Variants in IRAG1 observed in about 807,000 individuals in gnomAD.
IRAG1 encodes IP3R-associated cGMP kinase substrate.
IRAG1 carries 62 observed loss-of-function variants against 106.2 expected under a neutral mutation model. The observed-to-expected ratio is 0.58, with a 90% CI of 0.48 to 0.72. IRAG1 has a LOEUF of 0.72. IRAG1 is among the 30% of genes least tolerant of loss of function. The pLI, the probability that IRAG1 is intolerant of heterozygous loss-of-function variation, is 0.00. For missense variants in IRAG1, 1,064 were observed against 1,140.7 expected (o/e 0.93, Z 0.97); for synonymous variants, 462 against 443.9 (o/e 1.04, Z -0.51).
chr11:10,629,893 C>A (rs1378143061), intron 4 of IRAG1, 182 bp from the exon 5 acceptor site: 3 of 613,908 alleles, frequency 4.9e-6, no homozygotes, highest in Non-Finnish European at 8.4e-6. Flanking sequence ...GCAGGCCTGG[C>A]CCCTATGGCT....
Position 10,647,640 on chromosome 11 carries a change from C to A in IRAG1, c.225+4385G>T, listed in dbSNP as rs965334115. ...TACAGCTAACATGAGCCTCTTTGTA[C>A]CCTCAGGTTTACAAGGCACTTCAGA... On this transcript the variant is annotated intron_variant, in intron 2 of 20. Coordinates refer to ENST00000423302, the MANE Select transcript of IRAG1 (RefSeq NM_130385.4). This position sits in a 1 kb window ranked among gnomAD's most constrained non-coding sequence, Gnocchi z 4.3. 2.0e-5 allele frequency among the ~76,000 whole-genome samples: 3 copies of A among 152,118 alleles called. No homozygotes were observed. Among genetic ancestry groups the A allele is most frequent in the Non-Finnish European group, 4.4e-5 (3 of 68,008 alleles).
At chr11:10,658,755 G>C (rs1859147925) in intron 1 of IRAG1, among the ~76,000 whole-genome samples, 3 of 145,204 alleles carry the variant, frequency 2.1e-5, no homozygotes, top group South Asian at 2.2e-4. Flanking sequence ...CCGTGCTGTG[G>C]TCAGTCCCAG....
chr11:10,691,938 C>G (rs922754700), intron 1 of IRAG1, among the ~76,000 whole-genome samples: 3 of 152,154 alleles, frequency 2.0e-5, no homozygotes, highest in Non-Finnish European at 4.4e-5. Flanking sequence ...AAGAATGACC[C>G]CTGCTTTGTA....
chr11:10,615,312 G>A (rs1323922745), intron 10 of IRAG1, among the ~76,000 whole-genome samples: 1 of 152,190 alleles, frequency 6.6e-6, no homozygotes, highest in East Asian at 1.9e-4. Flanking sequence ...GGAGAAATAG[G>A]AACACTTTTA....
rs1850727378 is a variant in IRAG1 at position 10,574,571 on chromosome 11, G to A, written c.*1761C>T. 6.6e-6 allele frequency: 1 copy of A among 152,218 alleles called. No individual in the cohort carries two copies. The allele number at this position is 152,218 out of a possible 1,614,324, so 9.4% of individuals were successfully genotyped here. On this transcript the variant is annotated 3_prime_UTR_variant, in exon 21 of 21. Coordinates refer to ENST00000423302, the MANE Select transcript of IRAG1 (RefSeq NM_130385.4). The stretch of plus-strand genomic sequence containing the variant: ...TATGTTGTGTCTGGTGAGGAGTATG[G>A]AAGGAAGGTCATCAAAGCTGGTATG...
rs915244090 is a variant in IRAG1 at position 10,576,229 on chromosome 11, G to A, written c.*103C>T. 1 of 1,467,560 alleles carries A rather than the reference G, an allele frequency of 6.8e-7. No homozygotes were observed. The highest frequency in any genetic ancestry group is 2.3e-5 in the East Asian group (1 of 42,794). The allele number at this position is 1,467,560 out of a possible 1,614,324, so 90.9% of individuals were successfully genotyped here. A position where few individuals can be genotyped will look rare whatever the true frequency, so the allele number is the denominator to read the frequency against. The stretch of plus-strand genomic sequence containing the variant: ...AAGAACCCTTCCTCATGACCTGATG[G>A]GATGGGCGGCAGTGTGTCCACACTT... On this transcript the variant is annotated 3_prime_UTR_variant, in exon 21 of 21. Transcript: ENST00000423302.
At chr11:10,627,087 C>T (rs1856298640) in intron 8 of IRAG1, among the ~76,000 whole-genome samples, 1 of 152,190 alleles carries the variant, frequency 6.6e-6, no homozygotes, top group Non-Finnish European at 1.5e-5. Context: ...TGTCTTCCTG[C>T]TCAGAAGCTC....
chr11:10,652,216 T>C, intron 1 of IRAG1, 34 bp from the exon 2 acceptor site: 1 of 1,609,218 alleles, frequency 6.2e-7, no homozygotes, highest in Non-Finnish European at 8.5e-7. Flanking sequence ...GTCAAATCCA[T>C]TCCCATCCCT....
chr11:10,624,871 A>G (rs1299545010), intron 9 of IRAG1, among the ~76,000 whole-genome samples: 1 of 152,106 alleles, frequency 6.6e-6, no homozygotes, highest in African/African-American at 2.4e-5. Flanking sequence ...TCTGATAACC[A>G]GAGGCCCATG....
At chr11:10,623,059 A>G (rs1291737035) in intron 10 of IRAG1, among the ~76,000 whole-genome samples, 1 of 152,216 alleles carries the variant, frequency 6.6e-6, no homozygotes, top group Non-Finnish European at 1.5e-5. Context: ...CTGGTTTTAC[A>G]TGCCCAGGGA....
At chr11:10,616,166 G>A (rs1279580498) in intron 10 of IRAG1, among the ~76,000 whole-genome samples, 2 of 151,422 alleles carry the variant, frequency 1.3e-5, no homozygotes, top group African/African-American at 2.4e-5. Flanking sequence ...TTAGCCCGGC[G>A]TGGTGGCGAG....
intron 1 of IRAG1, chr11:10,687,701 T>C (rs766872518): frequency 2.5e-4 from 327 of 1,288,384 alleles, no homozygotes; most frequent in Non-Finnish European, 3.1e-4. Flanking sequence ...GCGGTGTTTT[T>C]GGAGTTGAGA....
At position 10,580,574 on chromosome 11, in the gene IRAG1, T is replaced by A; in HGVS notation, c.2376A>T (p.Leu792=). 6.2e-7 allele frequency: 1 copy of A among 1,613,498 alleles called. No homozygotes were observed. The highest frequency in any genetic ancestry group is 8.5e-7 in the Non-Finnish European group (1 of 1,179,750). ...GGTCTTGAAGTTCTTTGGTCTTCTT[T>A]AGACCTTCTTGGAATCTGGGGGGCA... is the stretch of plus-strand genomic sequence containing the variant. The part of the protein sequence containing the change: ...EAYSKGFQEG[L]KKTKELQDLK... Residue 792 remains leucine, a synonymous_variant, in exon 20 of 21, where the codon CTA becomes CTT. Transcript: ENST00000423302.
intron 10 of IRAG1, among the ~76,000 whole-genome samples, chr11:10,611,074 C>G (rs1161674933): frequency 6.6e-6 from 1 of 152,136 alleles, no homozygotes; most frequent in Admixed American, 6.6e-5. Flanking sequence ...CATGAAGAGA[C>G]AAGAGGCTAT....
At chr11:10,620,857 A>G (rs1855783620) in intron 10 of IRAG1, among the ~76,000 whole-genome samples, 1 of 152,236 alleles carries the variant, frequency 6.6e-6, no homozygotes, top group Admixed American at 6.5e-5. Context: ...CTAACGGTCC[A>G]TAATTGTTTA....
At chr11:10,589,449 T>A (rs1420914864) in intron 18 of IRAG1, among the ~76,000 whole-genome samples, 1 of 152,162 alleles carries the variant, frequency 6.6e-6, no homozygotes, top group Non-Finnish European at 1.5e-5. Flanking sequence ...TTTGTATTTT[T>A]AGTAGAGACA....
chr11:10,636,634 G>A (rs553360799), intron 2 of IRAG1, among the ~76,000 whole-genome samples: 1 of 152,108 alleles, frequency 6.6e-6, no homozygotes, highest in African/African-American at 2.4e-5. Context: ...GACCCTAAAG[G>A]GCTCGCAGTC....
At chr11:10,582,918 G>T (rs1382657588) in intron 18 of IRAG1, among the ~76,000 whole-genome samples, 1 of 152,200 alleles carries the variant, frequency 6.6e-6, no homozygotes, top group Non-Finnish European at 1.5e-5. Context: ...TCGCACCACT[G>T]CACTCCAGCC....
chr11:10,582,587 ATAGT>A (rs1012362329), intron 18 of IRAG1, among the ~76,000 whole-genome samples: 5 of 152,230 alleles, frequency 3.3e-5, no homozygotes, highest in African/African-American at 1.2e-4. Flanking sequence ...TTTAGAGTGA[ATAGT>A]TAGAAAAGGC....
Sources: allele counts gnomAD v4.1 joint callset (sites outside exome capture counted in the v4.1 genomes callset), GRCh38; gene constraint gnomAD v4.1.1; non-coding constraint Gnocchi (gnomAD v3.1); transcripts MANE v1.5; gene names NCBI Gene and HGNC (gene_info 2026-07-23, HGNC 2026-07-21).